CDH18: variants seen among roughly 807,000 people sequenced by gnomAD.
The protein encoded by CDH18 is cadherin-18.
In CDH18, 31 loss-of-function variants were observed where a neutral mutation model predicts 67.9. The observed-to-expected ratio is 0.46, with a 90% CI of 0.34 to 0.62. The LOEUF (loss-of-function observed/expected upper bound fraction) is 0.62, where lower values mean the gene tolerates loss of function less well. CDH18 is among the 20% of genes least tolerant of loss of function. CDH18 has a pLI of 0.01. For synonymous variants in CDH18, 362 were observed against 347.2 expected (o/e 1.04, Z -0.48); for missense variants, 890 against 975.5 (o/e 0.91, Z 1.17).
intron 2 of CDH18, among the ~76,000 whole-genome samples, chr5:20,068,764 T>G (rs1283775562): frequency 6.6e-6 from 1 of 152,094 alleles, no homozygotes; most frequent in Non-Finnish European, 1.5e-5. Flanking sequence ...CAATCAAAAT[T>G]CAGGTATTTT....
chr5:20,219,586 A>G (rs971044216), intron 2 of CDH18, among the ~76,000 whole-genome samples: 2 of 151,872 alleles, frequency 1.3e-5, no homozygotes, highest in East Asian at 3.9e-4. Context: ...AATACTCAAC[A>G]AAATACTAGC....
chr5:20,541,355 G>A (rs1185603625), intron 1 of CDH18, among the ~76,000 whole-genome samples: 1 of 152,108 alleles, frequency 6.6e-6, no homozygotes, highest in Admixed American at 6.6e-5. Flanking sequence ...TAAAACTATG[G>A]AAGATCTGTT....
At chr5:20,233,270 C>T (rs1393380115) in intron 2 of CDH18, among the ~76,000 whole-genome samples, 1 of 151,224 alleles carries the variant, frequency 6.6e-6, no homozygotes, top group Non-Finnish European at 1.5e-5. Flanking sequence ...AATGTACAAA[C>T]ATTTTATAAT....
chr5:19,646,024 T>G (rs999826602), intron 5 of CDH18, among the ~76,000 whole-genome samples: 19 of 152,064 alleles, frequency 1.2e-4, no homozygotes, highest in Non-Finnish European at 1.9e-4. Context: ...AATGATGACA[T>G]GGAGATCTTC....
At chr5:19,731,602 C>A (rs562961226) in intron 4 of CDH18, among the ~76,000 whole-genome samples, 187 of 152,234 alleles carry the variant, frequency 1.2e-3, no homozygotes, top group Non-Finnish European at 2.1e-3. Flanking sequence ...CCTTTGCATT[C>A]AAAAACTTGA....
intron 2 of CDH18, among the ~76,000 whole-genome samples, chr5:20,151,065 G>T (rs2126567689): frequency 6.6e-6 from 1 of 151,376 alleles, no homozygotes; most frequent in South Asian, 2.1e-4. Flanking sequence ...TGAAATATAG[G>T]GGGTTCCGCT....
chr5:19,735,496 C>T (rs942322496), intron 4 of CDH18, among the ~76,000 whole-genome samples: 6 of 151,306 alleles, frequency 4.0e-5, no homozygotes, highest in East Asian at 1.9e-4. Flanking sequence ...TCTGGGTTCA[C>T]GCCATTCTCC....
intron 1 of CDH18, among the ~76,000 whole-genome samples, chr5:20,312,506 C>T (rs1040803114): frequency 2.0e-5 from 3 of 152,084 alleles, no homozygotes; most frequent in African/African-American, 7.2e-5. Context: ...TGATGATTTG[C>T]TCAGCTGTTC....
At chr5:20,513,627 T>C (rs187097089) in intron 1 of CDH18, among the ~76,000 whole-genome samples, 3 of 152,276 alleles carry the variant, frequency 2.0e-5, no homozygotes, top group Admixed American at 2.0e-4. Context: ...CAAATAAAGG[T>C]TTCAAAAGTA....
At chr5:20,366,069 T>A (rs4479846) in intron 1 of CDH18, among the ~76,000 whole-genome samples, 26,670 of 152,136 alleles carry the variant, frequency 0.18, 2,858 homozygotes, top group East Asian at 0.3. Context: ...CTCCTGCCAA[T>A]GCATCTTCCA....
At chr5:20,405,158 G>A (rs972141037) in intron 1 of CDH18, among the ~76,000 whole-genome samples, 12 of 152,084 alleles carry the variant, frequency 7.9e-5, no homozygotes, top group Non-Finnish European at 1.5e-4. Context: ...AACAAAGCTG[G>A]AGGCATCACG....
At chr5:20,404,146 G>A (rs115198905) in intron 1 of CDH18, among the ~76,000 whole-genome samples, 1,909 of 152,258 alleles carry the variant, frequency 0.013, 29 homozygotes, top group African/African-American at 0.043. Context: ...GTTGAAGAGC[G>A]TTTAAATCCT....
intron 1 of CDH18, among the ~76,000 whole-genome samples, chr5:20,342,666 A>G (rs1334324812): frequency 1.3e-5 from 2 of 152,194 alleles, no homozygotes; most frequent in Non-Finnish European, 2.9e-5. Flanking sequence ...CAGAAGGAAC[A>G]TAGAGTTGGA....
intron 10 of CDH18, among the ~76,000 whole-genome samples, chr5:19,516,364 A>C (rs1440799868): frequency 6.6e-6 from 1 of 152,174 alleles, no homozygotes; most frequent in African/African-American, 2.4e-5. Flanking sequence ...CTGGCCTCAT[A>C]AAATGAGTTT....
At chr5:19,519,937 A>G (rs889308535) in intron 10 of CDH18, among the ~76,000 whole-genome samples, 4 of 152,214 alleles carry the variant, frequency 2.6e-5, no homozygotes, top group African/African-American at 7.2e-5. Context: ...AGACTCTTGC[A>G]AAGACCCAGC....
intron 4 of CDH18, among the ~76,000 whole-genome samples, chr5:19,728,461 A>G (rs953821221): frequency 6.6e-6 from 1 of 152,154 alleles, no homozygotes; most frequent in African/African-American, 2.4e-5. Context: ...TGCCTTCAAG[A>G]TATCTTTTCT....
At chr5:19,825,804 T>A (rs1780345176) in intron 3 of CDH18, among the ~76,000 whole-genome samples, 3 of 152,040 alleles carry the variant, frequency 2.0e-5, no homozygotes, top group African/African-American at 7.2e-5. Flanking sequence ...GTACAAGAAC[T>A]CTAGCAACTC....
chr5:19,767,934 T>G (rs1281300768), intron 3 of CDH18, among the ~76,000 whole-genome samples: 1 of 152,176 alleles, frequency 6.6e-6, no homozygotes, highest in Non-Finnish European at 1.5e-5. Context: ...AATGTCTGAA[T>G]CTTCATATCT....
chr5:19,507,217 C>A (rs1217298620), intron 10 of CDH18, among the ~76,000 whole-genome samples: 34 of 152,016 alleles, frequency 2.2e-4, no homozygotes, highest in African/African-American at 5.3e-4. Context: ...ACCATCTCAC[C>A]CCAGTTAGAA....
Sources: allele counts gnomAD v4.1 joint callset (sites outside exome capture counted in the v4.1 genomes callset), GRCh38; gene constraint gnomAD v4.1.1; transcripts MANE v1.5; gene names NCBI Gene and HGNC (gene_info 2026-07-23, HGNC 2026-07-21).